Variants in GTPBP4 observed in about 807,000 individuals in gnomAD.
GTPBP4 encodes the protein GTP-binding protein 4.
GTPBP4 carries 15 observed loss-of-function variants against 81.7 expected under a neutral mutation model. That is an observed-to-expected ratio of 0.18 (90% confidence interval 0.12 to 0.28). The LOEUF (loss-of-function observed/expected upper bound fraction) is 0.28. GTPBP4 is among the 10% of genes least tolerant of loss of function. GTPBP4 has a pLI of 1.00. For synonymous variants in GTPBP4, 272 were observed against 274.6 expected, an observed-to-expected ratio of 0.99 and a Z score of 0.09; for missense variants, 847 against 793.8, an observed-to-expected ratio of 1.07 and a Z score of -0.81.
At chr10:1,009,703 C>T in intron 12 of GTPBP4, 123 bp downstream of exon 12, 1 of 725,408 alleles carries the variant, frequency 1.4e-6, no homozygotes, top group Non-Finnish European at 2.5e-6. Flanking sequence ...CTTTTAATTT[C>T]TTGAAGATTA....
rs1589034671 is a variant in GTPBP4 at position 1,018,143 on chromosome 10, T to A, written c.*916T>A. The A allele has an allele frequency of 6.6e-6, 1 of 152,390 alleles. No individual in the cohort carries two copies. Among genetic ancestry groups the A allele is most frequent in the African/African-American group, 2.4e-5 (1 of 41,586 alleles). 9.4% of individuals were successfully genotyped at this position (152,390 alleles called of 1,614,324 possible). On this transcript the variant is annotated 3_prime_UTR_variant, in exon 17 of 17. Coordinates refer to ENST00000360803, the MANE Select transcript of GTPBP4 (RefSeq NM_012341.3). ...GGCAATTTTAAAAATTTACCAGGGC[T>A]GGGCTGGGCGCAGGGGCTCAAGCCT...
Position 988,644 on chromosome 10 carries a change from C to T in GTPBP4, c.48+117C>T, listed in dbSNP as rs1831384919. On this transcript the variant is annotated intron_variant, in intron 1 of 16. Coordinates refer to ENST00000360803, the MANE Select transcript of GTPBP4 (RefSeq NM_012341.3). Reference sequence around the variant, plus strand: ...TCGCCTTCCGCTCGCCCATCCCCCGCTCCTGGGCCTGACCGTCTGGCCGCG... The same window carrying T: ...TCGCCTTCCGCTCGCCCATCCCCCGTTCCTGGGCCTGACCGTCTGGCCGCG... 5.3e-6 allele frequency: 4 copies of T among 750,676 alleles called. No homozygotes were observed. The Admixed American group carries it at 6.4e-5, about 12-fold the overall frequency. 46.5% of individuals were successfully genotyped at this position (750,676 alleles called of 1,614,324 possible).
chr10:994,845 G>T (rs1831510682), intron 2 of GTPBP4, among the ~76,000 whole-genome samples: 1 of 152,196 alleles, frequency 6.6e-6, no homozygotes, highest in South Asian at 2.1e-4. Context: ...TGTCTGTCAG[G>T]TACTGTTCTG....
rs770483796 is a variant in GTPBP4, at chr10:1,000,635, G to A, written c.655-42G>A. 13 of 1,248,496 alleles carry A rather than the reference G, an allele frequency of 1.0e-5. No individual in the cohort carries two copies. The East Asian group carries it at 2.7e-4, about 26-fold the overall frequency. 77.3% of individuals were successfully genotyped at this position (1,248,496 alleles called of 1,614,324 possible). ...CTGGGATGTGCTGGACAAGAAGCTTGTGGGTGAGTGTGCTTTCAGTGACAA... is the reference window on the plus strand; with the variant it reads ...CTGGGATGTGCTGGACAAGAAGCTTATGGGTGAGTGTGCTTTCAGTGACAA... On this transcript the variant is annotated intron_variant, in intron 6 of 16. Transcript: ENST00000360803.
rs188915465 is a variant in GTPBP4, at chr10:1,008,055, T to C, written c.1114-903T>C. On this transcript the variant is annotated intron_variant, in intron 10 of 16. Transcript: ENST00000360803. ...CTATTAACATATATTAATTTTTTTT[T>C]CTGGGTGTTCAGGTTTGCATTGTAC... 5.2e-5 allele frequency: 24 copies of C among 461,484 alleles called. No homozygotes were observed. In the East Asian group the frequency reaches 1.5e-3, roughly 29 times the overall value. The allele number at this position is 461,484 out of a possible 1,614,324, so 28.6% of individuals were successfully genotyped here. A position where few individuals can be genotyped will look rare whatever the true frequency, so the allele number is the denominator to read the frequency against.
intron 12 of GTPBP4, 147 bp from the exon 13 acceptor site, chr10:1,010,273 T>C (rs1394989994): frequency 1.6e-6 from 1 of 615,496 alleles, no homozygotes; most frequent in Admixed American, 2.9e-5. Flanking sequence ...GCTGATGTGT[T>C]GATGCTGCTG....
At position 996,120 on chromosome 10, in the gene GTPBP4, A is replaced by G; in HGVS notation, c.338A>G (p.Tyr113Cys). ...KNLVDNVAKD[Y>C]VRLMKYGDSL... is the part of the protein sequence containing the mutation. ...ATTTTTTACAGTGTTGCTAAAGATT[A>G]TGTGCGACTGATGAAGTATGGCGAC... The change falls in exon 4 of 17, where the codon TAT becomes TGT. Residue 113 changes from tyrosine to cysteine, a missense_variant. Physicochemically the swap from Tyr to Cys is radical, Grantham distance 194. This residue lies in a region of GTPBP4 where 241 missense variants were observed against 216.3 expected (regional missense o/e 1.11). Transcript: ENST00000360803. 6.2e-7 allele frequency: 1 copy of G among 1,607,678 alleles called. No individual in the cohort carries two copies. Among genetic ancestry groups the G allele is most frequent in the Non-Finnish European group, 8.5e-7 (1 of 1,175,224 alleles).
At chr10:1,001,526 C>T (rs1831631347) in intron 8 of GTPBP4, among the ~76,000 whole-genome samples, 1 of 152,192 alleles carries the variant, frequency 6.6e-6, no homozygotes. Flanking sequence ...AATAGGCATC[C>T]TTCATGATAA....
At chr10:1,010,736 C>A (rs1831838987) in intron 13 of GTPBP4, among the ~76,000 whole-genome samples, 1 of 146,528 alleles carries the variant, frequency 6.8e-6, no homozygotes, top group Non-Finnish European at 1.5e-5. Flanking sequence ...CCCCTTCCCG[C>A]CGCCTCCACC....
intron 16 of GTPBP4, 139 bp downstream of exon 16, chr10:1,016,035 C>T (rs957570794): frequency 7.5e-6 from 6 of 796,724 alleles, no homozygotes; most frequent in South Asian, 1.6e-5. Context: ...CGTTTTGTGG[C>T]ATCCTTTAGA....
Position 1,019,783 on chromosome 10 carries a change from A to G in GTPBP4, c.*2556A>G, listed in dbSNP as rs576808585. 5.6e-6 allele frequency: 9 copies of G among 1,613,986 alleles called. No homozygotes were observed. In the East Asian group the frequency reaches 1.6e-4, roughly 28 times the overall value. On this transcript the variant is annotated 3_prime_UTR_variant, in exon 17 of 17. Coordinates refer to ENST00000360803, the MANE Select transcript of GTPBP4 (RefSeq NM_012341.3). ...TCATGCTCTCCCCAAATTCTGTCTG[A>G]TTTTGCCTTGTGGTGATAGATTGTC...
chr10:1,005,237 C>CT (rs957774951), intron 8 of GTPBP4, among the ~76,000 whole-genome samples: 1 of 152,158 alleles, frequency 6.6e-6, no homozygotes, highest in Non-Finnish European at 1.5e-5. Flanking sequence ...GCTCCACCTC[C>CT]CAGGTTCACA....
intron 6 of GTPBP4, among the ~76,000 whole-genome samples, chr10:999,855 A>T (rs926388993): frequency 6.6e-6 from 1 of 152,198 alleles, no homozygotes; most frequent in African/African-American, 2.4e-5. Context: ...GCTACTTGGA[A>T]GGCTGAGGCT....
At chr10:993,745 G>A (rs1262009009) in intron 2 of GTPBP4, among the ~76,000 whole-genome samples, 7 of 152,160 alleles carry the variant, frequency 4.6e-5, no homozygotes, top group Admixed American at 6.5e-5. Flanking sequence ...TAGGCAGAGA[G>A]AAATGTTTGG....
chr10:1,000,740 G>A lies in GTPBP4; in HGVS notation c.718G>A (p.Ala240Thr). Residue 240 changes from alanine to threonine, a missense_variant, in exon 7 of 17, where the codon GCC (alanine) becomes ACC (threonine). Physicochemically the swap from Ala to Thr is moderately conservative, Grantham distance 58. Around this residue, in one of 3 missense-constraint regions of GTPBP4, gnomAD observed 600 missense variants for 557.1 expected, o/e 1.08. Coordinates refer to ENST00000360803, the MANE Select transcript of GTPBP4 (RefSeq NM_012341.3). ...LEDRNTIEMQ[A>T]ITALAHLRAA... ...GGATAGGAACACCATCGAGATGCAG[G>A]CCATCACTGCCCTGGCCCACCTCCG... is the stretch of plus-strand genomic sequence containing the variant. 2 of 1,594,612 alleles carry A rather than the reference G, an allele frequency of 1.3e-6. No homozygotes were observed. The highest frequency in any genetic ancestry group is 1.7e-6 in the Non-Finnish European group (2 of 1,170,320).
intron 8 of GTPBP4, among the ~76,000 whole-genome samples, chr10:1,002,380 G>C (rs947955042): frequency 4.6e-5 from 7 of 152,114 alleles, no homozygotes; most frequent in African/African-American, 1.7e-4. Context: ...CTTAAAATCT[G>C]CTTTATCTGA....
intron 6 of GTPBP4, among the ~76,000 whole-genome samples, chr10:1,000,331 T>G (rs1831603993): frequency 6.9e-6 from 1 of 144,584 alleles, no homozygotes; most frequent in Non-Finnish European, 1.5e-5. Flanking sequence ...TCCGCCTCCC[T>G]GGTTCACGCC....
At chr10:1,012,317 C>G (rs575615895) in intron 13 of GTPBP4, 148 bp from the exon 14 acceptor site, 37 of 561,676 alleles carry the variant, frequency 6.6e-5, no homozygotes, top group African/African-American at 1.9e-5. Flanking sequence ...GTAAATGGCA[C>G]ATAGGCAGGG....
chr10:1,000,540 C>CT (rs74260825), intron 6 of GTPBP4, 137 bp from the exon 7 acceptor site: 11,492 of 398,426 alleles, frequency 0.029, no homozygotes, highest in East Asian at 0.034. Flanking sequence ...CCCAGCCCTA[C>CT]TTTTTTTTTT....
Sources: gnomAD v4.1 joint callset for allele counts (sites outside exome capture counted in the v4.1 genomes callset) on GRCh38, gnomAD v4.1.1 for gene constraint, gnomAD v4.1.1 regional missense constraint, MANE v1.5 for transcripts, NCBI Gene and HGNC (gene_info 2026-07-23, HGNC 2026-07-21) for gene names.